The following FNTB variants were observed in gnomAD, a reference collection of about 807,000 sequenced individuals.
FNTB encodes farnesyltransferase, CAAX box, subunit beta.
A neutral mutation model predicts 59.4 loss-of-function variants in FNTB; 27 were observed. The observed-to-expected ratio is 0.45, with a 90% CI of 0.34 to 0.63. The LOEUF is 0.63. Ranked by LOEUF, FNTB falls within the 20% of genes least tolerant of loss-of-function variation. FNTB has a pLI of 0.02. For missense variants in FNTB, 449 were observed against 559.6 expected (o/e 0.80, Z 1.99); for synonymous variants, 230 against 220.7 (o/e 1.04, Z -0.37).
intron 1 of FNTB, chr14:64,987,398 C>A: frequency 2.2e-6 from 1 of 457,776 alleles, no homozygotes; most frequent in South Asian, 2.3e-5. Flanking sequence ...CAGAGGCAGC[C>A]CGTGCGGGTC....
At position 65,047,419 on chromosome 14, in the gene FNTB, G is replaced by A. The variant is rs376015385; in HGVS notation, c.955+2976G>A. 2.6e-5 allele frequency among the ~76,000 whole-genome samples: 4 copies of A among 152,270 alleles called. No homozygotes were observed. Among genetic ancestry groups the A allele is most frequent in the South Asian group, 2.1e-4 (1 of 4,828 alleles). On this transcript the variant is annotated intron_variant, in intron 9 of 11. Coordinates refer to ENST00000246166, the MANE Select transcript of FNTB (RefSeq NM_002028.4). The surrounding 1 kb of genome is among the most constrained non-coding windows in gnomAD (Gnocchi z 5.2). ...CACAGTAGGTGGCCATTAATCCAAC[G>A]AAAAATTGTTTAGCTCACTTGTAGT...
rs182908122 is a variant in FNTB, at chr14:65,048,579, A to G, written c.955+4136A>G. On this transcript the variant is annotated intron_variant, in intron 9 of 11. Coordinates refer to ENST00000246166, the MANE Select transcript of FNTB (RefSeq NM_002028.4). ...CTATTAGTACCTTAAAATGCTGGAC[A>G]TGGTGGTTCATGACCATAATCCCAG... is the stretch of plus-strand genomic sequence containing the variant. Among the ~76,000 whole-genome samples the G allele has an allele frequency of 7.9e-5, 12 of 152,310 alleles. No homozygotes were observed. In the East Asian group the frequency reaches 2.3e-3, roughly 29 times the overall value.
At chr14:65,019,599 G>T (rs1367339094) in intron 4 of FNTB, among the ~76,000 whole-genome samples, 3 of 152,190 alleles carry the variant, frequency 2.0e-5, no homozygotes, top group African/African-American at 7.2e-5. Flanking sequence ...AAAATAAGCT[G>T]ATTTGTCCTT....
At chr14:65,024,592 C>T (rs951580873) in intron 4 of FNTB, among the ~76,000 whole-genome samples, 4 of 152,080 alleles carry the variant, frequency 2.6e-5, no homozygotes, top group African/African-American at 7.2e-5. Context: ...GAATGAAATG[C>T]CTTGCTGACG....
chr14:64,996,664 A>G (rs1285695909), intron 1 of FNTB, among the ~76,000 whole-genome samples: 1 of 152,030 alleles, frequency 6.6e-6, no homozygotes, highest in Non-Finnish European at 1.5e-5. Flanking sequence ...GCACTTTGAA[A>G]TCCTTTTCCT....
intron 1 of FNTB, among the ~76,000 whole-genome samples, chr14:64,996,193 G>A (rs1258764487): frequency 5.3e-5 from 8 of 151,830 alleles, no homozygotes; most frequent in African/African-American, 1.5e-4. Flanking sequence ...GCTCATGCCC[G>A]TGATCCCAGC....
At chr14:65,055,348 A>T (rs781354355) in intron 11 of FNTB, among the ~76,000 whole-genome samples, 6 of 152,166 alleles carry the variant, frequency 3.9e-5, no homozygotes, top group Non-Finnish European at 5.9e-5. Context: ...ATCAAATCAC[A>T]GGGCCCATGC....
chr14:65,015,743 G>C, intron 4 of FNTB, 27 bp downstream of exon 4: 1 of 1,606,990 alleles, frequency 6.2e-7, no homozygotes, highest in Non-Finnish European at 8.5e-7. Context: ...GAAATCTGGG[G>C]TGTTCTCTGA....
intron 4 of FNTB, among the ~76,000 whole-genome samples, chr14:65,020,790 G>T (rs1426994200): frequency 1.4e-5 from 2 of 144,040 alleles, no homozygotes; most frequent in Non-Finnish European, 3.0e-5. Context: ...GTAGTGCAGT[G>T]GCATGATCTC....
rs1046136666 is a variant in FNTB, at chr14:65,023,738, T to G, written c.375-3715T>G. Among the ~76,000 whole-genome samples the G allele has an allele frequency of 7.9e-5, 12 of 152,186 alleles. No individual in the cohort carries two copies. Among genetic ancestry groups the G allele is most frequent in the African/African-American group, 2.7e-4 (11 of 41,438 alleles). ...GGCTGCCTATTGGACAGCACAGATG[T>G]ATCTCATTGCTACTCAAAATGTGGT... On this transcript the variant is annotated intron_variant, in intron 4 of 11. Coordinates refer to ENST00000246166, the MANE Select transcript of FNTB (RefSeq NM_002028.4). This position sits in a 1 kb window ranked among gnomAD's most constrained non-coding sequence, Gnocchi z 4.1.
At chr14:65,049,660 A>G (rs942611938) in intron 9 of FNTB, among the ~76,000 whole-genome samples, 1 of 152,180 alleles carries the variant, frequency 6.6e-6, no homozygotes, top group African/African-American at 2.4e-5. Context: ...TCAGACTCTA[A>G]TTTTAGCCAC....
At chr14:64,987,493 G>A (rs1406507274) in intron 1 of FNTB, 5 of 221,824 alleles carry the variant, frequency 2.3e-5, no homozygotes, top group Admixed American at 2.0e-4. Context: ...AGCTTCTGGA[G>A]GCAGAGAGCA....
intron 7 of FNTB, among the ~76,000 whole-genome samples, chr14:65,040,106 C>T (rs906539469): frequency 6.6e-6 from 1 of 152,126 alleles, no homozygotes; most frequent in African/African-American, 2.4e-5. Context: ...GGGAGGATTG[C>T]CTGAGTCCAG....
intron 4 of FNTB, among the ~76,000 whole-genome samples, chr14:65,022,515 C>T (rs1242201137): frequency 6.6e-6 from 1 of 151,822 alleles, no homozygotes; most frequent in African/African-American, 2.4e-5. Flanking sequence ...CTGTGATTGT[C>T]TGTAATATTA....
chr14:65,051,934 A>G (rs937747877), intron 9 of FNTB, among the ~76,000 whole-genome samples: 16 of 151,558 alleles, frequency 1.1e-4, no homozygotes, highest in African/African-American at 4.9e-5. Context: ...AGCTGGGACT[A>G]CAGGCGCCCA....
intron 1 of FNTB, among the ~76,000 whole-genome samples, chr14:64,995,526 G>A (rs976738800): frequency 1.6e-4 from 24 of 151,988 alleles, no homozygotes; most frequent in African/African-American, 5.3e-4. Context: ...TTACTAGGCT[G>A]TAGGGATTTT....
chr14:65,037,893 C>T (rs2062249706), intron 7 of FNTB, among the ~76,000 whole-genome samples: 2 of 151,610 alleles, frequency 1.3e-5, no homozygotes, highest in Admixed American at 1.3e-4. Context: ...GATTCTCCTG[C>T]CTCAGCCTCC....
intron 2 of FNTB, among the ~76,000 whole-genome samples, chr14:65,005,639 C>CCCTGCCCTGCCCTGTCT (rs1566865260): frequency 5.3e-5 from 8 of 151,044 alleles, no homozygotes; most frequent in African/African-American, 1.7e-4. Flanking sequence ...CTGTCCGGTC[C>CCCTGCCCTGCCCTGTCT]TGCCCTGCCC....
In FNTB at chr14:65,030,539, G is replaced by T. The variant is rs1287963895; in HGVS notation, c.606-2071G>T. 6.6e-6 allele frequency among the ~76,000 whole-genome samples: 1 copy of T among 152,054 alleles called. No homozygotes were observed. The highest frequency in any genetic ancestry group is 1.5e-5 in the Non-Finnish European group (1 of 68,006). On this transcript the variant is annotated intron_variant, in intron 6 of 11. Transcript: ENST00000246166. This position sits in a 1 kb window ranked among gnomAD's most constrained non-coding sequence, Gnocchi z 4.5. ...GAATCACTTGAGGCCAGGAGTTCAAGACCAACCTGGGTAACACAGCAAGAC... is the reference window on the plus strand; with the variant it reads ...GAATCACTTGAGGCCAGGAGTTCAATACCAACCTGGGTAACACAGCAAGAC...
Sources: allele counts gnomAD v4.1 joint callset (sites outside exome capture counted in the v4.1 genomes callset), GRCh38; gene constraint gnomAD v4.1.1; non-coding constraint Gnocchi (gnomAD v3.1); transcripts MANE v1.5; gene names NCBI Gene and HGNC (gene_info 2026-07-23, HGNC 2026-07-21).